The following KLK7 variants were observed in gnomAD, a reference collection of about 807,000 sequenced individuals.
KLK7 encodes the protein kallikrein-7.
A neutral mutation model predicts 21.0 loss-of-function variants in KLK7; 17 were observed. The ratio of observed to expected loss-of-function variants is 0.81; its 90% CI spans 0.55 to 1.21. KLK7 has a LOEUF of 1.21. Among genes scored for constraint, KLK7 ranks in the 50% most tolerant of loss-of-function variants. KLK7 has a pLI of 0.00. For synonymous variants in KLK7, 151 were observed against 134.6 expected, an observed-to-expected ratio of 1.12 and a Z score of -0.85; for missense variants, 330 against 322.8, an observed-to-expected ratio of 1.02 and a Z score of -0.17.
chr19:50,977,819 C>CAATGAGTCTCT, intron 5 of KLK7, 128 bp from the exon 6 acceptor site: 10 of 933,078 alleles, frequency 1.1e-5, no homozygotes, highest in Non-Finnish European at 1.6e-5. Flanking sequence ...TGAGAAGAGA[C>CAATGAGTCTCT]TCATTGTCTC....
intron 5 of KLK7, among the ~76,000 whole-genome samples, chr19:50,978,543 G>T (rs1312801828): frequency 1.4e-5 from 2 of 147,886 alleles, no homozygotes; most frequent in Admixed American, 6.8e-5. Context: ...GAGGGAGATG[G>T]GGAGGGTGTG....
intron 2 of KLK7, 151 bp downstream of exon 2, chr19:50,982,176 C>T: frequency 1.9e-6 from 2 of 1,070,124 alleles, no homozygotes; most frequent in Non-Finnish European, 1.4e-6. Flanking sequence ...CCTGAGTCAG[C>T]AGAAGCAGGA....
chr19:50,983,546 C>T (rs1241652139), intron 1 of KLK7, among the ~76,000 whole-genome samples: 84 of 149,284 alleles, frequency 5.6e-4, no homozygotes, highest in Non-Finnish European at 7.8e-4. Flanking sequence ...CCCCCAGGCC[C>T]TCCTCCCTCA....
intron 3 of KLK7, 62 bp from the exon 4 acceptor site, chr19:50,980,549 C>A: frequency 1.2e-6 from 2 of 1,601,402 alleles, no homozygotes; most frequent in South Asian, 2.2e-5. Flanking sequence ...TGTGCAAAGA[C>A]CTGGGGGACG....
chr19:50,983,359 G>A (rs1277970901), intron 1 of KLK7, among the ~76,000 whole-genome samples: 4 of 60,516 alleles, frequency 6.6e-5, no homozygotes, highest in African/African-American at 8.9e-5. Context: ...CCAGGCCCCA[G>A]CCCCTCCTCC....
At chr19:50,981,675 T>C (rs1238536069) in intron 3 of KLK7, 92 bp downstream of exon 3, 4 of 1,228,242 alleles carry the variant, frequency 3.3e-6, no homozygotes, top group Non-Finnish European at 4.5e-6. Flanking sequence ...GAGAGGAGAA[T>C]AGAGCCGTAG....
rs766024916 is a variant in KLK7 at position 50,977,680 on chromosome 19, C to G, written c.618G>C (p.Gly206=). The G allele has an allele frequency of 2.5e-6, 4 of 1,612,808 alleles. No homozygotes were observed. In the East Asian group the frequency reaches 6.7e-5, roughly 27 times the overall value. ...GGGTACCTCTGCACACCAACGGTCC[C>G]CCTGAGTCACCCTAGAGGGAATAGA... ...SKKNACNGDS[G]GPLVCRGTLQ... Residue 206 remains glycine (G), a synonymous_variant, in exon 6 of 6, where the codon GGG becomes GGC. Transcript: ENST00000595820.
rs2091095138 is a variant in KLK7, at chr19:50,982,257, C to T, written c.73+70G>A. 3.2e-6 allele frequency: 5 copies of T among 1,560,622 alleles called. No individual in the cohort carries two copies. In the East Asian group the frequency reaches 9.2e-5, roughly 29 times the overall value. On this transcript the variant is annotated intron_variant, in intron 2 of 5. Transcript: ENST00000595820. Reference sequence around the variant, plus strand: ...CTGTTTGAGGAGGGAAGGGTTCTGACTCAGGGACTCCTTGGAGAGGGTCAG... The same window carrying T: ...CTGTTTGAGGAGGGAAGGGTTCTGATTCAGGGACTCCTTGGAGAGGGTCAG...
At position 50,977,377 on chromosome 19, in the gene KLK7, G is replaced by A; in HGVS notation, c.*159C>T. ...TGTTTCTTTATTTGTTTTGGTTTTA[G>A]GTCTTTACCAATTTGATTGGTTTAT... On this transcript the variant is annotated 3_prime_UTR_variant, in exon 6 of 6. Transcript: ENST00000595820. The A allele has an allele frequency of 5.7e-6, 4 of 704,682 alleles. No homozygotes were observed. In the South Asian group the frequency reaches 7.5e-5, roughly 13 times the overall value. 43.7% of individuals were successfully genotyped at this position (704,682 alleles called of 1,614,324 possible). A position where few individuals can be genotyped will look rare whatever the true frequency, so the allele number is the denominator to read the frequency against.
chr19:50,982,220 C>T (rs1600112504), intron 2 of KLK7, 107 bp downstream of exon 2: 1 of 1,438,738 alleles, frequency 7.0e-7, no homozygotes, highest in East Asian at 2.5e-5. Context: ...TCTGGTCCTC[C>T]CAGGATGGAA....
chr19:50,982,498 C>G (rs1457977384), intron 1 of KLK7, 41 bp from the exon 2 acceptor site: 1 of 1,484,744 alleles, frequency 6.7e-7, no homozygotes, highest in Non-Finnish European at 9.0e-7. Flanking sequence ...CCTCCCCACT[C>G]AGACCCAGGG....
chr19:50,977,570 T>C lies in KLK7; in HGVS notation c.728A>G (p.Lys243Arg), dbSNP rs1194213967. 17 of 1,613,932 alleles carry C rather than the reference T, an allele frequency of 1.1e-5. No individual in the cohort carries two copies. Among genetic ancestry groups the C allele is most frequent in the Non-Finnish European group, 1.4e-5 (16 of 1,180,002 alleles). Residue 243 changes from lysine to arginine, a missense_variant, in exon 6 of 6, where the codon AAG (lysine) becomes AGG (arginine). Transcript: ENST00000595820. ...CTTTTTCATGGTGTCATTTATCCAC[T>C]TGGTGAACTTGCACACTTGAGTGTA... is the stretch of plus-strand genomic sequence containing the variant. ...GVYTQVCKFTKWINDTMKKHR is the reference protein window; with the variant it reads ...GVYTQVCKFTRWINDTMKKHR
chr19:50,983,830 C>T, intron 1 of KLK7, 21 bp downstream of exon 1: 1 of 1,289,392 alleles, frequency 7.8e-7, no homozygotes, highest in Non-Finnish European at 1.0e-6. Context: ...CAGGTGCACC[C>T]TTGATGAAGC....
Position 50,980,379 on chromosome 19 carries a change from A to C in KLK7, c.330T>G (p.Val110=), listed in dbSNP as rs764473297. The change falls in exon 4 of 6, where the codon GTT becomes GTG. Residue 110 remains valine (V), a synonymous_variant. Transcript: ENST00000595820. ...RHPGYSTQTH[V]NDLMLVKLNS... ...TGAGCTTCACGAGCATGAGGTCATT[A>C]ACATGGGTCTGTGTGGAGTAGCCGG... The C allele has an allele frequency of 1.9e-6, 3 of 1,614,048 alleles. No homozygotes were observed. In the South Asian group the frequency reaches 3.3e-5, roughly 18 times the overall value.
Position 50,981,918 on chromosome 19 carries a change from G to A in KLK7, c.74-4C>T. Reference sequence around the variant, plus strand: ...TCAATAATCTTGTCACCCTGGGCTGGATGGAGACATGGAGGAGCACGTGGG... The same window carrying A: ...TCAATAATCTTGTCACCCTGGGCTGAATGGAGACATGGAGGAGCACGTGGG... On this transcript the variant is annotated splice_region_variant and splice_polypyrimidine_tract_variant and intron_variant, in intron 2 of 5. Coordinates refer to ENST00000595820, the MANE Select transcript of KLK7 (RefSeq NM_005046.4). 1 of 1,612,632 alleles carries A rather than the reference G, an allele frequency of 6.2e-7. No homozygotes were observed. The highest frequency in any genetic ancestry group is 8.5e-7 in the Non-Finnish European group (1 of 1,179,554).
In KLK7 at chr19:50,981,772, C is replaced by T. The variant is rs1246821906; in HGVS notation, c.216G>A (p.Lys72=). The T allele has an allele frequency of 2.5e-6, 4 of 1,571,908 alleles. No homozygotes were observed. Among genetic ancestry groups the T allele is most frequent in the Non-Finnish European group, 3.5e-6 (4 of 1,158,700 alleles). Reference sequence around the variant, plus strand: ...GAGACTTGGGCGGCACCTACTTCATCTTGCAGTGGGCGGCAGTGAGCACCC... The same window carrying T: ...GAGACTTGGGCGGCACCTACTTCATTTTGCAGTGGGCGGCAGTGAGCACCC... ...ERWVLTAAHC[K]MNEYTVHLGS... The change falls in exon 3 of 6, where the codon AAG becomes AAA. Residue 72 remains lysine (K), a synonymous_variant. Coordinates refer to ENST00000595820, the MANE Select transcript of KLK7 (RefSeq NM_005046.4).
chr19:50,983,054 A>G (rs2091102948), intron 1 of KLK7, among the ~76,000 whole-genome samples: 1 of 37,462 alleles, frequency 2.7e-5, no homozygotes, highest in Non-Finnish European at 6.0e-5. Flanking sequence ...CCTCAGACCC[A>G]GGAGTCCAGG....
At position 50,979,765 on chromosome 19, in the gene KLK7, G is replaced by T. The variant is rs747601541; in HGVS notation, c.606+23C>A. The T allele has an allele frequency of 3.8e-5, 59 of 1,559,780 alleles. No homozygotes were observed. In the East Asian group the frequency reaches 1.4e-3, roughly 36 times the overall value. ...CAGACAGGGTACCCAGGACTGGGGA[G>T]GAATTGGGGGGGAGGGTCTCACATT... On this transcript the variant is annotated intron_variant, in intron 5 of 5. Transcript: ENST00000595820.
chr19:50,983,875 A>G lies in KLK7; in HGVS notation c.-83T>C, dbSNP rs1169172363. 3.9e-6 allele frequency: 5 copies of G among 1,289,016 alleles called. No individual in the cohort carries two copies. In the Admixed American group the frequency reaches 1.1e-4, roughly 30 times the overall value. The allele number at this position is 1,289,016 out of a possible 1,614,324, so 79.8% of individuals were successfully genotyped here. A position where few individuals can be genotyped will look rare whatever the true frequency, so the allele number is the denominator to read the frequency against. ...CCTCGAGAGGATCTGATGTGATCCA[A>G]GTTCCGACTTGGGCTGGCACACAGC... On this transcript the variant is annotated 5_prime_UTR_variant, in exon 1 of 6. Coordinates refer to ENST00000595820, the MANE Select transcript of KLK7 (RefSeq NM_005046.4).
Sources: allele counts gnomAD v4.1 joint callset (sites outside exome capture counted in the v4.1 genomes callset), GRCh38; gene constraint gnomAD v4.1.1; transcripts MANE v1.5; gene names NCBI Gene and HGNC (gene_info 2026-07-23, HGNC 2026-07-21).